FRMD5: variants seen among roughly 807,000 people sequenced by gnomAD.
FRMD5 encodes the protein FERM domain-containing protein 5.
FRMD5 carries 20 observed loss-of-function variants against 69.0 expected under a neutral mutation model. That is an observed-to-expected ratio of 0.29 (90% CI 0.20 to 0.42). FRMD5 has a LOEUF of 0.42. Among genes scored for constraint, FRMD5 ranks in the 10% least tolerant of loss-of-function variants. FRMD5 has a pLI of 1.00. For synonymous variants in FRMD5, 271 were observed against 260.1 expected (o/e 1.04, Z -0.40); for missense variants, 595 against 708.6 (o/e 0.84, Z 1.82).
intron 1 of FRMD5, among the ~76,000 whole-genome samples, chr15:44,191,309 C>T (rs1318747000): frequency 1.3e-5 from 2 of 152,074 alleles, no homozygotes; most frequent in African/African-American, 4.8e-5. Flanking sequence ...CTATTCCTGG[C>T]CGGGTGCAGT....
chr15:44,002,453 T>C (rs960965786), intron 1 of FRMD5, among the ~76,000 whole-genome samples: 4 of 151,942 alleles, frequency 2.6e-5, no homozygotes, highest in African/African-American at 9.7e-5. Flanking sequence ...AGACACCGAG[T>C]TGTGAAAGGA....
intron 1 of FRMD5, among the ~76,000 whole-genome samples, chr15:44,051,481 A>G (rs1013382671): frequency 2.0e-5 from 3 of 151,918 alleles, no homozygotes; most frequent in Non-Finnish European, 4.4e-5. Flanking sequence ...GACTTCCAAT[A>G]TATCTGATAC....
intron 1 of FRMD5, among the ~76,000 whole-genome samples, chr15:44,142,176 A>G (rs904893234): frequency 1.7e-4 from 26 of 152,188 alleles, no homozygotes; most frequent in Non-Finnish European, 5.9e-5. Flanking sequence ...ATAACAGAAA[A>G]TGTCCTCTTA....
chr15:44,160,308 AT>A (rs1175513219), intron 1 of FRMD5, among the ~76,000 whole-genome samples: 11 of 152,362 alleles, frequency 7.2e-5, no homozygotes, highest in African/African-American at 2.2e-4. Flanking sequence ...GTGAGCCGAG[AT>A]GGCGCCACTG....
chr15:44,138,418 C>T (rs1410201347), intron 1 of FRMD5, among the ~76,000 whole-genome samples: 2 of 152,010 alleles, frequency 1.3e-5, no homozygotes, highest in Middle Eastern at 6.3e-3. Context: ...GAAATATCAC[C>T]TACCAAAAAA....
At chr15:43,993,785 T>C (rs1307716287) in intron 1 of FRMD5, among the ~76,000 whole-genome samples, 1 of 152,220 alleles carries the variant, frequency 6.6e-6, no homozygotes, top group Non-Finnish European at 1.5e-5. Flanking sequence ...TCTATATGTA[T>C]AATTGTTATA....
chr15:43,989,888 T>C (rs1889587598), intron 1 of FRMD5: 10 of 1,100,288 alleles, frequency 9.1e-6, no homozygotes, highest in Middle Eastern at 2.3e-4. Flanking sequence ...GGGTGCTCCT[T>C]GGCAGCCACA....
In FRMD5 at chr15:44,159,502, T is replaced by C. The variant is rs16960618; in HGVS notation, c.102+35451A>G. Among the ~76,000 whole-genome samples the C allele has an allele frequency of 0.016, 2,364 of 152,272 alleles. 156 individuals are homozygous for C. The East Asian group carries it at 0.17, about 11-fold the overall frequency. ...GAGGCAGTGAGACAAAAGGAATGAA[T>C]TGACTTCCAAGACAGCAAGAAAGAA... is the stretch of plus-strand genomic sequence containing the variant. On this transcript the variant is annotated intron_variant, in intron 1 of 13. Transcript: ENST00000417257.
intron 1 of FRMD5, among the ~76,000 whole-genome samples, chr15:44,143,333 C>T (rs1325700021): frequency 2.0e-5 from 3 of 151,950 alleles, no homozygotes; most frequent in South Asian, 2.1e-4. Flanking sequence ...CACATGAGCA[C>T]CTAAGAGACT....
At chr15:44,115,622 C>A (rs1352683977) in intron 1 of FRMD5, among the ~76,000 whole-genome samples, 1 of 152,146 alleles carries the variant, frequency 6.6e-6, no homozygotes, top group Non-Finnish European at 1.5e-5. Context: ...GAACCCCTTT[C>A]CATCCTAAAT....
In FRMD5 at chr15:44,169,219, G is replaced by A. The variant is rs1000625669; in HGVS notation, c.102+25734C>T. On this transcript the variant is annotated intron_variant, in intron 1 of 13. Coordinates refer to ENST00000417257, the MANE Select transcript of FRMD5 (RefSeq NM_032892.5). ...CACCTTGCATGTAAAGGCTTTTGTC[G>A]CCTTTTCTTCTCACCTTGCATGTAA... is the stretch of plus-strand genomic sequence containing the variant. Among the ~76,000 whole-genome samples, 13 of 151,864 alleles carry A rather than the reference G, an allele frequency of 8.6e-5. No individual in the cohort carries two copies. The South Asian group carries it at 2.1e-3, about 24-fold the overall frequency.
At chr15:44,147,373 C>T (rs1049288577) in intron 1 of FRMD5, among the ~76,000 whole-genome samples, 3 of 152,070 alleles carry the variant, frequency 2.0e-5, no homozygotes, top group African/African-American at 7.2e-5. Flanking sequence ...ATAACAGTAC[C>T]ATGCCTTGCA....
chr15:44,043,354 G>A (rs921903609), intron 1 of FRMD5, among the ~76,000 whole-genome samples: 2 of 152,132 alleles, frequency 1.3e-5, no homozygotes, highest in Non-Finnish European at 2.9e-5. Flanking sequence ...ACTGCCTAAA[G>A]TAATTTACAG....
intron 1 of FRMD5, among the ~76,000 whole-genome samples, chr15:44,047,803 T>C (rs1892492952): frequency 6.6e-6 from 1 of 152,216 alleles, no homozygotes; most frequent in Non-Finnish European, 1.5e-5. Context: ...GGACATTTTA[T>C]AAAAAGGGAA....
chr15:44,192,729 T>C (rs1228192854), intron 1 of FRMD5, among the ~76,000 whole-genome samples: 1 of 152,194 alleles, frequency 6.6e-6, no homozygotes, highest in East Asian at 1.9e-4. Context: ...TTTCCTCACA[T>C]GGGTAAAAAC....
intron 4 of FRMD5, among the ~76,000 whole-genome samples, chr15:43,916,796 G>A (rs1464013365): frequency 5.1e-5 from 5 of 98,536 alleles, no homozygotes; most frequent in African/African-American, 9.1e-5. Context: ...TTTTTTTTTT[G>A]AGACAGAGTT....
intron 1 of FRMD5, among the ~76,000 whole-genome samples, chr15:44,004,686 C>G (rs536300935): frequency 8.5e-5 from 13 of 152,268 alleles, no homozygotes; most frequent in African/African-American, 3.1e-4. Context: ...CTCCCTATAC[C>G]CTGAGACACA....
chr15:43,976,623 C>A (rs979545284), intron 1 of FRMD5, among the ~76,000 whole-genome samples: 1 of 152,166 alleles, frequency 6.6e-6, no homozygotes, highest in South Asian at 2.1e-4. Context: ...AGGAATCTGG[C>A]TGAGACCCTG....
chr15:43,946,882 G>A (rs1413729766), intron 1 of FRMD5, among the ~76,000 whole-genome samples: 7 of 152,206 alleles, frequency 4.6e-5, no homozygotes, highest in African/African-American at 1.7e-4. Context: ...TTATTTACTA[G>A]TGTTAGTTAA....
Sources: gnomAD v4.1 joint callset for allele counts (sites outside exome capture counted in the v4.1 genomes callset) on GRCh38, gnomAD v4.1.1 for gene constraint, MANE v1.5 for transcripts, NCBI Gene and HGNC (gene_info 2026-07-23, HGNC 2026-07-21) for gene names.